PDZRN3: variants seen among roughly 807,000 people sequenced by gnomAD.
PDZRN3 encodes E3 ubiquitin-protein ligase PDZRN3.
PDZRN3 carries 38 observed loss-of-function variants against 85.7 expected under a neutral mutation model. The ratio of observed to expected loss-of-function variants is 0.44; its 90% CI spans 0.34 to 0.58. The LOEUF (loss-of-function observed/expected upper bound fraction) is 0.58, where lower values mean the gene tolerates loss of function less well. Among genes scored for constraint, PDZRN3 ranks in the 20% least tolerant of loss-of-function variants. The pLI is 0.01. For synonymous variants in PDZRN3, 759 were observed against 638.0 expected, an observed-to-expected ratio of 1.19 and a Z score of -2.86; for missense variants, 1,629 against 1,506.4, an observed-to-expected ratio of 1.08 and a Z score of -1.35.
chr3:73,427,994 G>C (rs1403912200), intron 3 of PDZRN3, among the ~76,000 whole-genome samples: 2 of 152,160 alleles, frequency 1.3e-5, no homozygotes, highest in African/African-American at 4.8e-5. Context: ...GCTCAAAGAT[G>C]AATTGGTGAA....
intron 3 of PDZRN3, among the ~76,000 whole-genome samples, chr3:73,411,076 G>A (rs1259888379): frequency 6.6e-6 from 1 of 152,202 alleles, no homozygotes; most frequent in African/African-American, 2.4e-5. Flanking sequence ...AAGTACACAA[G>A]TATTCAGTGA....
chr3:73,395,922 A>C (rs1036967572), intron 5 of PDZRN3, among the ~76,000 whole-genome samples: 1 of 152,232 alleles, frequency 6.6e-6, no homozygotes, highest in Admixed American at 6.5e-5. Context: ...TGGGGAAGAA[A>C]GACAAGAAGT....
chr3:73,489,570 C>CTTTTTT (rs1267520267), intron 3 of PDZRN3, among the ~76,000 whole-genome samples: 2 of 17,184 alleles, frequency 1.2e-4, no homozygotes, highest in African/African-American at 3.7e-4. Flanking sequence ...TGGGCAGTTT[C>CTTTTTT]TTTTCTTTTT....
At chr3:73,501,549 C>T (rs1703978693) in intron 3 of PDZRN3, among the ~76,000 whole-genome samples, 2 of 152,166 alleles carry the variant, frequency 1.3e-5, no homozygotes, top group Non-Finnish European at 2.9e-5. Flanking sequence ...GCTCATTCAA[C>T]AAATACCTGC....
At chr3:73,502,631 G>C (rs979746622) in intron 3 of PDZRN3, among the ~76,000 whole-genome samples, 8 of 152,162 alleles carry the variant, frequency 5.3e-5, no homozygotes, top group African/African-American at 1.7e-4. Flanking sequence ...TATGTTCTGA[G>C]ACTGGCAGCT....
Position 73,404,340 on chromosome 3 carries a change from T to G in PDZRN3, c.974A>C (p.Lys325Thr). ...ATHDQAVEAFKTAKEPIVVQV... is the reference protein window; with the variant it reads ...ATHDQAVEAFTTAKEPIVVQV... ...CACCACTATGGGCTCCTTGGCTGTC[T>G]TGAAAGCTTCCACAGCCTGGTCATG... The change falls in exon 4 of 10, where the codon AAG (lysine) becomes ACG (threonine). Residue 325 changes from lysine (K) to threonine (T), a missense_variant. Coordinates refer to ENST00000263666, the MANE Select transcript of PDZRN3 (RefSeq NM_015009.3). The G allele has an allele frequency of 6.2e-7, 1 of 1,614,156 alleles. No homozygotes were observed. Among genetic ancestry groups the G allele is most frequent in the Non-Finnish European group, 8.5e-7 (1 of 1,179,988 alleles).
At chr3:73,422,445 TG>T (rs1320438932) in intron 3 of PDZRN3, among the ~76,000 whole-genome samples, 1 of 152,220 alleles carries the variant, frequency 6.6e-6, no homozygotes, top group African/African-American at 2.4e-5. Context: ...ATTTAAAGCC[TG>T]TGCAGGATAA....
chr3:73,484,421 G>C (rs1396056574), intron 3 of PDZRN3, among the ~76,000 whole-genome samples: 1 of 152,050 alleles, frequency 6.6e-6, no homozygotes, highest in Admixed American at 6.5e-5. Flanking sequence ...AATGGAGGGG[G>C]GTGGTTAGTT....
At chr3:73,542,957 T>C (rs987257172) in intron 3 of PDZRN3, among the ~76,000 whole-genome samples, 1 of 152,176 alleles carries the variant, frequency 6.6e-6, no homozygotes, top group African/African-American at 2.4e-5. Flanking sequence ...CAGCAAAAGA[T>C]ACTTTCCTGT....
rs769540142 is a variant in PDZRN3, at chr3:73,385,708, G to A, written c.1596C>T (p.His532=). ...DLHMDMLEEQ[H]HQAMQFTASV... ...TAGCTGTGAATTGCATGGCCTGGTG[G>A]TGCTGCTCCTCCAGCATGTCCATGT... Residue 532 remains histidine (H), a synonymous_variant, in exon 9 of 10, where the codon CAC becomes CAT. Coordinates refer to ENST00000263666, the MANE Select transcript of PDZRN3 (RefSeq NM_015009.3). 9 of 1,613,208 alleles carry A rather than the reference G, an allele frequency of 5.6e-6. No homozygotes were observed. In the East Asian group the frequency reaches 2.0e-4, roughly 36 times the overall value.
chr3:73,529,021 A>G (rs1704592303), intron 3 of PDZRN3, among the ~76,000 whole-genome samples: 1 of 152,092 alleles, frequency 6.6e-6, no homozygotes, highest in African/African-American at 2.4e-5. Flanking sequence ...AATCACTCTG[A>G]CAAGGTTAAA....
chr3:73,448,722 T>C (rs1245124427), intron 3 of PDZRN3, among the ~76,000 whole-genome samples: 1 of 152,122 alleles, frequency 6.6e-6, no homozygotes, highest in Admixed American at 6.5e-5. Flanking sequence ...TTGGGGTGCA[T>C]TTAGCTACTA....
intron 3 of PDZRN3, among the ~76,000 whole-genome samples, chr3:73,443,374 T>TGAC (rs1466974455): frequency 1.3e-5 from 2 of 152,158 alleles, no homozygotes; most frequent in Admixed American, 1.3e-4. Context: ...ACATGGAGTC[T>TGAC]TCCCACTTCC....
chr3:73,546,116 G>C (rs1482361508), intron 3 of PDZRN3, among the ~76,000 whole-genome samples: 1 of 152,140 alleles, frequency 6.6e-6, no homozygotes, highest in African/African-American at 2.4e-5. Context: ...CCCAGCACAG[G>C]GTAGGCACTC....
intron 3 of PDZRN3, among the ~76,000 whole-genome samples, chr3:73,504,481 C>G (rs1444344375): frequency 6.6e-6 from 1 of 152,184 alleles, no homozygotes; most frequent in Non-Finnish European, 1.5e-5. Context: ...TGGTTCCAAA[C>G]AGAGAATGTT....
At chr3:73,482,451 C>A (rs1019799013) in intron 3 of PDZRN3, among the ~76,000 whole-genome samples, 2 of 152,148 alleles carry the variant, frequency 1.3e-5, no homozygotes, top group African/African-American at 4.8e-5. Context: ...CTCTCCTACG[C>A]GTTTATAGTG....
At chr3:73,451,849 T>TCA (rs58276955) in intron 3 of PDZRN3, among the ~76,000 whole-genome samples, 2,398 of 149,376 alleles carry the variant, frequency 0.016, 36 homozygotes, top group East Asian at 0.052. Flanking sequence ...TAGCTTCTCA[T>TCA]CACACACACA....
chr3:73,543,532 C>T (rs1701337319), intron 3 of PDZRN3, among the ~76,000 whole-genome samples: 1 of 152,240 alleles, frequency 6.6e-6, no homozygotes, highest in Non-Finnish European at 1.5e-5. Flanking sequence ...CTATTTGGTG[C>T]TCTCTCTTTC....
chr3:73,521,876 G>A (rs930992803), intron 3 of PDZRN3, among the ~76,000 whole-genome samples: 5 of 152,096 alleles, frequency 3.3e-5, no homozygotes, highest in African/African-American at 9.7e-5. Flanking sequence ...AGAAGCAGTG[G>A]TTGCATGCAC....
Sources: allele counts gnomAD v4.1 joint callset (sites outside exome capture counted in the v4.1 genomes callset), GRCh38; gene constraint gnomAD v4.1.1; transcripts MANE v1.5; gene names NCBI Gene and HGNC (gene_info 2026-07-23, HGNC 2026-07-21).